The following CUL4B variants were observed in gnomAD, a reference collection of about 807,000 sequenced individuals.
CUL4B encodes cullin-4B.
A neutral mutation model predicts 69.2 loss-of-function variants in CUL4B; 1 was observed. The observed-to-expected ratio is 0.01, with a 90% CI of 0.01 to 0.07. The LOEUF is 0.07. Among genes scored for constraint, CUL4B ranks in the 10% least tolerant of loss-of-function variants. The pLI, the probability that CUL4B is intolerant of heterozygous loss-of-function variation, is 1.00. For missense variants in CUL4B, 328 were observed against 638.8 expected (o/e 0.51, Z 5.24); for synonymous variants, 237 against 223.2 (o/e 1.06, Z -0.55).
At chrX:120,533,689 C>T (rs1923463782) in intron 17 of CUL4B, among the ~76,000 whole-genome samples, 2 of 111,879 alleles carry the variant, frequency 1.8e-5, no homozygotes, top group South Asian at 7.4e-4. Context: ...TGCACTCTTA[C>T]CACACTTATA....
At position 120,525,672 on chromosome X, in the gene CUL4B, T is replaced by C. The variant is rs1364290864; in HGVS notation, c.*1089A>G. The C allele has an allele frequency of 1.8e-5, 2 of 110,862 alleles. No individual in the cohort carries two copies. The highest frequency in any genetic ancestry group is 1.9e-4 in the Admixed American group (2 of 10,339). 9.1% of individuals were successfully genotyped at this position (110,862 alleles called of 1,213,427 possible). On this transcript the variant is annotated 3_prime_UTR_variant, in exon 20 of 20. Transcript: ENST00000371322. The stretch of plus-strand genomic sequence containing the variant: ...AAAAATGAGGGAGGACCTTTGTATC[T>C]AGGGTTTTAGCAAGTTAAAATGAAG...
At chrX:120,544,387 TG>T in intron 6 of CUL4B, 93 bp downstream of exon 6, 1 of 972,145 alleles carries the variant, frequency 1.0e-6, no homozygotes, top group Non-Finnish European at 1.5e-6. Flanking sequence ...CTTCAAACCT[TG>T]TTATGACATC....
rs908954642 is a variant in CUL4B at position 120,527,556 on chromosome X, C to G, written c.2593-700G>C. ...CAGGTGTGAGCTACCATGCCTGGTC[C>G]TGACTTTTTCATTTTGGTATATTTG... On this transcript the variant is annotated intron_variant, in intron 19 of 19. Transcript: ENST00000371322. Among the ~76,000 whole-genome samples the G allele has an allele frequency of 7.1e-4, 79 of 110,967 alleles. 1 individual carries two copies. The highest frequency in any genetic ancestry group is 6.3e-3 in the Admixed American group (65 of 10,400).
At chrX:120,559,495 ACTT>A (rs773371743) in intron 1 of CUL4B, among the ~76,000 whole-genome samples, 1 of 112,450 alleles carries the variant, frequency 8.9e-6, no homozygotes, top group African/African-American at 3.2e-5. Context: ...CAGAGTTACT[ACTT>A]CTGTGTATAC....
intron 8 of CUL4B, 108 bp downstream of exon 8, chrX:120,543,619 A>T: frequency 1.8e-6 from 1 of 568,864 alleles, no homozygotes; most frequent in South Asian, 2.4e-5. Flanking sequence ...AACTGTTAAC[A>T]CTTCAAATCA....
Position 120,560,269 on chromosome X carries a change from A to T in CUL4B, c.370T>A (p.Ser124Thr). Reference sequence around the variant, plus strand: ...GCAGCAGTTGGTGAAGATGAGGAGGAGGAGGAGGAGGATTCCTCAGCCATC... The same window carrying T: ...GCAGCAGTTGGTGAAGATGAGGAGGTGGAGGAGGAGGATTCCTCAGCCATC... ...AKMAEESSSSSSSSSPTAATS... is the reference protein window; with the variant it reads ...AKMAEESSSSTSSSSPTAATS... Residue 124 changes from serine to threonine, a missense_variant, in exon 1 of 20, where the codon TCC (serine) becomes ACC (threonine). By Grantham distance (58) the Ser-to-Thr change is moderately conservative. Transcript: ENST00000371322. 8.3e-7 allele frequency: 1 copy of T among 1,211,202 alleles called. No homozygotes were observed. The highest frequency in any genetic ancestry group is 1.1e-6 in the Non-Finnish European group (1 of 895,246).
At chrX:120,561,500 G>A (rs1182554839), upstream of CUL4B, 4 of 365,966 alleles carry the variant, frequency 1.1e-5, no homozygotes, top group Non-Finnish European at 2.0e-5. Context: ...GGAGGAGGGG[G>A]CGGGCCTTCG....
At position 120,574,566 on chromosome X, in the gene CUL4B, T is replaced by C. The variant is rs200034623; in HGVS notation, c.52A>G (p.Thr18Ala). ...ATTTACTCACCACCGTCTTTAGAGG[T>C]AGTAGCCTCATCATCATTCCCATCT... The change falls in exon 2 of 3, where the codon ACC becomes GCC. Residue 18 changes from threonine to alanine, a missense_variant. Physicochemically the swap from Thr to Ala is moderately conservative, Grantham distance 58. Transcript: ENST00000486604. 6.7e-5 allele frequency: 81 copies of C among 1,202,782 alleles called. No homozygotes were observed. Among genetic ancestry groups the C allele is most frequent in the Non-Finnish European group, 8.8e-5 (78 of 888,340 alleles).
At chrX:120,574,670 T>G in intron 1 of CUL4B, 1 of 950,684 alleles carries the variant, frequency 1.1e-6, no homozygotes, top group Non-Finnish European at 1.5e-6. Flanking sequence ...CCAGCAGTCC[T>G]CTCCCATATC....
intron 19 of CUL4B, among the ~76,000 whole-genome samples, 195 bp from the exon 20 acceptor site, chrX:120,527,051 C>T (rs867345169): frequency 2.7e-5 from 3 of 110,120 alleles, no homozygotes; most frequent in African/African-American, 9.9e-5. Flanking sequence ...GTTTTATACA[C>T]GTTGAAGATT....
rs1206553826 is a variant in CUL4B at position 120,560,962 on chromosome X, T to G, written c.-324A>C. The G allele has an allele frequency of 9.5e-5, 71 of 750,008 alleles. No individual in the cohort carries two copies. Among genetic ancestry groups the G allele is most frequent in the Non-Finnish European group, 1.1e-4 (68 of 638,017 alleles). 61.8% of individuals were successfully genotyped at this position (750,008 alleles called of 1,213,427 possible). On this transcript the variant is annotated 5_prime_UTR_variant, in exon 1 of 20. Coordinates refer to ENST00000371322, the MANE Select transcript of CUL4B (RefSeq NM_001079872.2). Reference sequence around the variant, plus strand: ...TTCTGCAGGAGCGACTCAGCGAGTCTGTGAGGCTGCAGCTCCTCCTCCTTT... The same window carrying G: ...TTCTGCAGGAGCGACTCAGCGAGTCGGTGAGGCTGCAGCTCCTCCTCCTTT...
chrX:120,535,711 A>G, intron 16 of CUL4B, 119 bp downstream of exon 16: 1 of 362,250 alleles, frequency 2.8e-6, no homozygotes. Flanking sequence ...TCTCAAAAAA[A>G]AAAAAAAAAA....
chrX:120,536,977 T>C lies in CUL4B; in HGVS notation c.1996A>G (p.Met666Val). Reference sequence around the variant, plus strand: ...GGCACATATGTCGGCCAATAGCCCATTGTCAGGATATTCACAGTTAACTCA... The same window carrying C: ...GGCACATATGTCGGCCAATAGCCCACTGTCAGGATATTCACAGTTAACTCA... ...NIELTVNILT[M>V]GYWPTYVPME... is the part of the protein sequence containing the mutation. The change falls in exon 15 of 20, where the codon ATG becomes GTG. Residue 666 changes from methionine (M) to valine (V), a missense_variant. Met to Val is a conservative substitution (Grantham distance 21, BLOSUM62 1). This residue lies in a region of CUL4B where 98 missense variants were observed against 296.8 expected (regional missense o/e 0.33). Transcript: ENST00000371322. 1 of 1,209,132 alleles carries C rather than the reference T, an allele frequency of 8.3e-7. No individual in the cohort carries two copies. The highest frequency in any genetic ancestry group is 1.1e-6 in the Non-Finnish European group (1 of 893,125).
rs1924204795 is a variant in CUL4B at position 120,544,569 on chromosome X, A to G, written c.995T>C (p.Ile332Thr). The change falls in exon 6 of 20, where the codon ATT (isoleucine) becomes ACT (threonine). Residue 332 changes from isoleucine (I) to threonine (T), a missense_variant. Around this residue, in one of 4 missense-constraint regions of CUL4B, gnomAD observed 126 missense variants for 202.5 expected, o/e 0.62. Coordinates refer to ENST00000371322, the MANE Select transcript of CUL4B (RefSeq NM_001079872.2). ...QKVQNKTIDGILLLIERERNG... is the reference protein window; with the variant it reads ...QKVQNKTIDGTLLLIERERNG... ...CCTTTCCCTCTCAATCAAGAGAAGA[A>G]TGCCATCAATTGTCTTATTCTGCAC... The G allele has an allele frequency of 2.5e-6, 3 of 1,208,692 alleles. No individual in the cohort carries two copies. The highest frequency in any genetic ancestry group is 3.4e-6 in the Non-Finnish European group (3 of 892,626).
At chrX:120,538,586 C>T (rs925394324) in intron 13 of CUL4B, 74 bp downstream of exon 13, 36 of 698,257 alleles carry the variant, frequency 5.2e-5, no homozygotes, top group Non-Finnish European at 5.7e-5. Flanking sequence ...AAGAGGAAAT[C>T]GATTGAAAGG....
intron 2 of CUL4B, among the ~76,000 whole-genome samples, chrX:120,556,355 G>A (rs1377315051): frequency 8.9e-6 from 1 of 111,890 alleles, no homozygotes; most frequent in Non-Finnish European, 1.9e-5. Flanking sequence ...GATCTCAATT[G>A]TCATACTACA....
chrX:120,533,222 T>C (rs1923433339), intron 17 of CUL4B, among the ~76,000 whole-genome samples: 2 of 112,186 alleles, frequency 1.8e-5, no homozygotes, highest in Admixed American at 9.5e-5. Context: ...CATGGTCTCA[T>C]TCTAGTCTAA....
intron 10 of CUL4B, 75 bp downstream of exon 10, chrX:120,541,527 A>T: frequency 1.3e-6 from 1 of 742,172 alleles, no homozygotes; most frequent in Non-Finnish European, 2.1e-6. Context: ...ATCAAACAAG[A>T]AATGCTTGCC....
At chrX:120,558,571 A>AC (rs1405166251) in intron 1 of CUL4B, among the ~76,000 whole-genome samples, 1 of 111,793 alleles carries the variant, frequency 8.9e-6, no homozygotes, top group Non-Finnish European at 1.9e-5. Flanking sequence ...GGTCTGTTTG[A>AC]CCCCCACATT....
Sources: allele counts gnomAD v4.1 joint callset (sites outside exome capture counted in the v4.1 genomes callset), GRCh38; gene constraint gnomAD v4.1.1; regional missense constraint gnomAD v4.1.1; transcripts MANE v1.5; gene names NCBI Gene and HGNC (gene_info 2026-07-23, HGNC 2026-07-21).